Variants in PCSK5 observed in about 807,000 individuals in gnomAD.
The protein encoded by PCSK5 is prohormone convertase 5.
In PCSK5, 129 loss-of-function variants were observed where a neutral mutation model predicts 233.2. The observed-to-expected ratio is 0.55, with a 90% CI of 0.48 to 0.64. PCSK5 has a LOEUF of 0.64. Ranked by LOEUF, PCSK5 falls within the 30% of genes least tolerant of loss-of-function variation. The pLI is 0.00. For missense variants in PCSK5, 2,076 were observed against 2,430.1 expected (o/e 0.85, Z 3.06); for synonymous variants, 825 against 879.2 (o/e 0.94, Z 1.09).
chr9:75,984,552 G>A (rs1354256400), intron 2 of PCSK5, among the ~76,000 whole-genome samples: 3 of 152,156 alleles, frequency 2.0e-5, no homozygotes, highest in Non-Finnish European at 4.4e-5. Flanking sequence ...GTAATATAAG[G>A]ATTACAAGTT....
chr9:76,123,486 T>C (rs10118630), intron 9 of PCSK5, among the ~76,000 whole-genome samples: 2,298 of 152,326 alleles, frequency 0.015, 61 homozygotes, highest in African/African-American at 0.053. Context: ...ACATTTACTT[T>C]AATGCCCTCA....
At chr9:76,134,681 G>A (rs1453400204) in intron 10 of PCSK5, among the ~76,000 whole-genome samples, 2 of 152,072 alleles carry the variant, frequency 1.3e-5, no homozygotes, top group East Asian at 3.9e-4. Context: ...CTTCCACAAA[G>A]AAAAGCAGGT....
At chr9:76,142,654 A>C (rs1325479962) in intron 10 of PCSK5, among the ~76,000 whole-genome samples, 1 of 152,222 alleles carries the variant, frequency 6.6e-6, no homozygotes, top group African/African-American at 2.4e-5. Flanking sequence ...AATTCTGTTC[A>C]GAGTTTTGTA....
chr9:76,233,386 A>G, intron 21 of PCSK5, 74 bp from the exon 22 acceptor site: 2 of 1,432,494 alleles, frequency 1.4e-6, no homozygotes, highest in Non-Finnish European at 1.9e-6. Context: ...AAACATGAAT[A>G]CCACATGTTC....
At chr9:76,224,863 C>T (rs915267004) in intron 20 of PCSK5, among the ~76,000 whole-genome samples, 1 of 152,152 alleles carries the variant, frequency 6.6e-6, no homozygotes, top group Non-Finnish European at 1.5e-5. Context: ...ATCTTAATAA[C>T]CCTCGACTAA....
chr9:76,332,499 A>G lies in PCSK5; in HGVS notation c.4637A>G (p.His1546Arg). ...GATGAGGACAGCAACCGGTGTGCCC[A>G]CTGCCACAGCTCTTGCAGGACATGT... ...YADEDSNRCA[H>R]CHSSCRTCEG... Residue 1546 changes from histidine to arginine, a missense_variant, in exon 34 of 38, where the codon CAC (histidine) becomes CGC (arginine). Around this residue, in one of 6 missense-constraint regions of PCSK5, gnomAD observed 1,510 missense variants for 1,538.1 expected, o/e 0.98. Coordinates refer to ENST00000674117, the MANE Select transcript of PCSK5 (RefSeq NM_001372043.1). The G allele has an allele frequency of 1.2e-6, 2 of 1,612,450 alleles. No homozygotes were observed. Among genetic ancestry groups the G allele is most frequent in the Middle Eastern group, 1.7e-4 (1 of 6,060 alleles).
intron 1 of PCSK5, among the ~76,000 whole-genome samples, chr9:75,908,935 CTCTCTG>C (rs1205976581): frequency 8.6e-6 from 1 of 116,232 alleles, no homozygotes; most frequent in Non-Finnish European, 2.0e-5. Context: ...CTCTATCTCT[CTCTCTG>C]TCTATCTATC....
At chr9:76,123,828 T>C (rs1025706384) in intron 9 of PCSK5, among the ~76,000 whole-genome samples, 1 of 152,222 alleles carries the variant, frequency 6.6e-6, no homozygotes, top group African/African-American at 2.4e-5. Flanking sequence ...GGACGACAAG[T>C]CTAGTGTAAA....
chr9:75,998,036 G>A (rs980942824), intron 3 of PCSK5, among the ~76,000 whole-genome samples: 1 of 152,182 alleles, frequency 6.6e-6, no homozygotes, highest in Non-Finnish European at 1.5e-5. Flanking sequence ...TGGTCAGGTA[G>A]CACAGAACTG....
In PCSK5 at chr9:76,338,396, C is replaced by G; in HGVS notation, c.4915C>G (p.Gln1639Glu). The change falls in exon 35 of 38, where the codon CAA (glutamine) becomes GAA (glutamate). Residue 1639 changes from glutamine to glutamate, a missense_variant. By Grantham distance (29) the Gln-to-Glu change is conservative. This residue lies in a region of PCSK5 where 1,510 missense variants were observed against 1,538.1 expected (regional missense o/e 0.98). Coordinates refer to ENST00000674117, the MANE Select transcript of PCSK5 (RefSeq NM_001372043.1). ...CTGCCCAGACCATTACTATGTAGAG[C>G]AAAGCACACAGACCTGTGAGAGATG... ...RSCPDHYYVE[Q>E]STQTCERCHP... is the part of the protein sequence containing the mutation. The G allele has an allele frequency of 6.2e-7, 1 of 1,612,702 alleles. No homozygotes were observed. Among genetic ancestry groups the G allele is most frequent in the Non-Finnish European group, 8.5e-7 (1 of 1,179,776 alleles).
At chr9:76,040,639 C>T (rs192616012) in intron 5 of PCSK5, among the ~76,000 whole-genome samples, 2 of 152,252 alleles carry the variant, frequency 1.3e-5, no homozygotes, top group African/African-American at 4.8e-5. Context: ...TCTCACATAG[C>T]TTATGAAAGT....
intron 28 of PCSK5, among the ~76,000 whole-genome samples, chr9:76,303,496 T>C (rs1472401504): frequency 1.3e-5 from 2 of 152,226 alleles, no homozygotes; most frequent in Non-Finnish European, 2.9e-5. Context: ...TTTATAAATA[T>C]ATTTTAGTAT....
At chr9:75,931,097 A>G (rs1480851718) in intron 1 of PCSK5, among the ~76,000 whole-genome samples, 4 of 152,202 alleles carry the variant, frequency 2.6e-5, no homozygotes, top group African/African-American at 9.6e-5. Context: ...TCAAATCTTA[A>G]TGATGAGACA....
intron 17 of PCSK5, 144 bp from the exon 18 acceptor site, chr9:76,188,434 G>A (rs935261180): frequency 5.1e-6 from 3 of 593,092 alleles, no homozygotes; most frequent in Non-Finnish European, 6.1e-6. Context: ...AAGGGTACAC[G>A]GGCTATTTCC....
rs142191885 is a variant in PCSK5, at chr9:76,018,904, C to A, written c.412-4834C>A. Among the ~76,000 whole-genome samples the A allele has an allele frequency of 6.2e-3, 950 of 152,246 alleles. 4 individuals carry two copies. Among genetic ancestry groups the A allele is most frequent in the Non-Finnish European group, 0.011 (729 of 68,028 alleles). ...TTTACTGGAACCTTTCTCCAACATCCGCGCCTTATCTACTCCTTATCTACC... is the reference window on the plus strand; with the variant it reads ...TTTACTGGAACCTTTCTCCAACATCAGCGCCTTATCTACTCCTTATCTACC... On this transcript the variant is annotated intron_variant, in intron 3 of 37. Transcript: ENST00000674117.
At position 76,265,140 on chromosome 9, in the gene PCSK5, C is replaced by A. The variant is rs757618667; in HGVS notation, c.3142+24456C>A. Among the ~76,000 whole-genome samples, 16 of 152,010 alleles carry A rather than the reference C, an allele frequency of 1.1e-4. 1 individual carries two copies. The highest frequency in any genetic ancestry group is 1.0e-3 in the Admixed American group (16 of 15,252). ...TGCAGATGGAGGCCATTATCCTAAG[C>A]AAATTAACACAGGAATAGAAAACCA... is the stretch of plus-strand genomic sequence containing the variant. On this transcript the variant is annotated intron_variant, in intron 24 of 37. Transcript: ENST00000674117.
intron 1 of PCSK5, among the ~76,000 whole-genome samples, chr9:75,908,417 G>A (rs1171903983): frequency 2.0e-5 from 3 of 152,198 alleles, no homozygotes; most frequent in Non-Finnish European, 4.4e-5. Flanking sequence ...TGGGCCTACT[G>A]TAGGTAAGGC....
intron 24 of PCSK5, among the ~76,000 whole-genome samples, chr9:76,291,043 G>A (rs1163416430): frequency 1.3e-5 from 2 of 152,240 alleles, no homozygotes; most frequent in African/African-American, 4.8e-5. Flanking sequence ...GGCCAGCACT[G>A]TTTCTACTGC....
rs560811377 is a variant in PCSK5 at position 76,001,144 on chromosome 9, A to T, written c.411+14899A>T. ...TCCCCATGTTGAAAATTCTGTTCTC[A>T]GTGTCACCAATATAATTACTCTTTG... On this transcript the variant is annotated intron_variant, in intron 3 of 37. Transcript: ENST00000674117. Among the ~76,000 whole-genome samples the T allele has an allele frequency of 3.9e-5, 6 of 152,252 alleles. No homozygotes were observed. The South Asian group carries it at 1.2e-3, about 32-fold the overall frequency.
Sources: gnomAD v4.1 joint callset for allele counts (sites outside exome capture counted in the v4.1 genomes callset) on GRCh38, gnomAD v4.1.1 for gene constraint, gnomAD v4.1.1 regional missense constraint, MANE v1.5 for transcripts, NCBI Gene and HGNC (gene_info 2026-07-23, HGNC 2026-07-21) for gene names.